Variants in PADI3 observed in about 807,000 individuals in gnomAD.
PADI3 encodes protein-arginine deiminase type-3.
Under a neutral mutation model 71.5 loss-of-function variants are expected in PADI3, and 53 were observed. That is an observed-to-expected ratio of 0.74 (90% CI 0.59 to 0.93). PADI3 has a LOEUF of 0.93. PADI3 is among the 40% of genes least tolerant of loss of function. PADI3 has a pLI of 0.00. For missense variants in PADI3, 821 were observed against 868.0 expected (o/e 0.95, Z 0.68); for synonymous variants, 361 against 347.5 (o/e 1.04, Z -0.43).
At position 17,277,150 on chromosome 1, in the gene PADI3, C is replaced by T. The variant is rs182413648; in HGVS notation, c.1555+274C>T. 2.8e-3 allele frequency among the ~76,000 whole-genome samples: 430 copies of T among 150,964 alleles called. 2 individuals are homozygous for T. The highest frequency in any genetic ancestry group is 9.0e-3 in the African/African-American group (372 of 41,192). ...AGGCAGGTGACCAGTGCAGTCACGG[C>T]GTGGAGCTTTAATGTTCTGCAGTCA... On this transcript the variant is annotated intron_variant, in intron 13 of 15. Coordinates refer to ENST00000375460, the MANE Select transcript of PADI3 (RefSeq NM_016233.2).
chr1:17,270,144 G>A (rs1445957012), intron 6 of PADI3, 89 bp from the exon 7 acceptor site: 6 of 1,455,918 alleles, frequency 4.1e-6, no homozygotes, highest in Non-Finnish European at 5.5e-6. Context: ...GGAATTTTTG[G>A]TGAGGCTGCA....
chr1:17,249,197 G>A lies in PADI3; in HGVS notation c.60G>A (p.Val20=). 1 of 1,614,174 alleles carries A rather than the reference G, an allele frequency of 6.2e-7. No homozygotes were observed. Among genetic ancestry groups the A allele is most frequent in the Non-Finnish European group, 8.5e-7 (1 of 1,180,024 alleles). The change falls in exon 1 of 16, where the codon GTG becomes GTA. Residue 20 remains valine (V), a synonymous_variant. Transcript: ENST00000375460. ...AGCATCCCACCAGCGCGGTGTGTGT[G>A]GCTGGCGTGGAGACCCTCGTGGACA... ...SLEHPTSAVC[V]AGVETLVDIY...
At position 17,249,181 on chromosome 1, in the gene PADI3, C is replaced by T; in HGVS notation, c.44C>T (p.Thr15Ile). 1 of 1,614,178 alleles carries T rather than the reference C, an allele frequency of 6.2e-7. No homozygotes were observed. The highest frequency in any genetic ancestry group is 8.5e-7 in the Non-Finnish European group (1 of 1,180,030). ...GTGCGTGTGTCCCTGGAGCATCCCA[C>T]CAGCGCGGTGTGTGTGGCTGGCGTG... The part of the protein sequence containing the change: ...RIVRVSLEHP[T>I]SAVCVAGVET... Residue 15 changes from threonine (T) to isoleucine (I), a missense_variant, in exon 1 of 16, where the codon ACC becomes ATC. Thr to Ile is a moderately conservative substitution (Grantham distance 89). Coordinates refer to ENST00000375460, the MANE Select transcript of PADI3 (RefSeq NM_016233.2).
rs557402327 is a variant in PADI3, at chr1:17,266,600, C to T, written c.409-119C>T. On this transcript the variant is annotated intron_variant, in intron 4 of 15. Transcript: ENST00000375460. ...GACATGTCTTGAGAAGGAGGTGCTTCGAGAACGTGGACCTAGCCTCACAGG... is the reference window on the plus strand; with the variant it reads ...GACATGTCTTGAGAAGGAGGTGCTTTGAGAACGTGGACCTAGCCTCACAGG... The T allele has an allele frequency of 1.4e-4, 108 of 775,682 alleles. 1 individual carries two copies. The South Asian group carries it at 1.4e-3, about 10-fold the overall frequency. The allele number at this position is 775,682 out of a possible 1,614,324, so 48.0% of individuals were successfully genotyped here.
At chr1:17,274,884 G>T in intron 11 of PADI3, 98 bp downstream of exon 11, 3 of 1,251,374 alleles carry the variant, frequency 2.4e-6, no homozygotes, top group South Asian at 1.5e-5. Context: ...CTTGAAGAGA[G>T]CCAGAAGCAA....
chr1:17,274,359 G>A (rs948608917), intron 10 of PADI3, among the ~76,000 whole-genome samples: 1 of 152,246 alleles, frequency 6.6e-6, no homozygotes, highest in Non-Finnish European at 1.5e-5. Flanking sequence ...CTCCATGTCC[G>A]ATGGGGAGTG....
intron 6 of PADI3, among the ~76,000 whole-genome samples, 183 bp from the exon 7 acceptor site, chr1:17,270,050 T>A (rs185135945): frequency 6.6e-6 from 1 of 152,298 alleles, no homozygotes; most frequent in East Asian, 1.9e-4. Flanking sequence ...GGAAGACCCT[T>A]TCCCCCAGCC....
chr1:17,278,602 G>A (rs1314786893), intron 13 of PADI3, among the ~76,000 whole-genome samples: 1 of 152,036 alleles, frequency 6.6e-6, no homozygotes, highest in Non-Finnish European at 1.5e-5. Context: ...TGGCTGGACT[G>A]GAGTCATCTG....
At position 17,258,957 on chromosome 1, in the gene PADI3, G is replaced by A. The variant is rs2100563399; in HGVS notation, c.93-621G>A. Reference sequence around the variant, plus strand: ...CAGACCTGCACTGGGGATTTATCGAGCACATGGCTGGCTTCTGACTTCCGA... The same window carrying A: ...CAGACCTGCACTGGGGATTTATCGAACACATGGCTGGCTTCTGACTTCCGA... On this transcript the variant is annotated intron_variant, in intron 1 of 15. Transcript: ENST00000375460. Among the ~76,000 whole-genome samples, 6 of 152,360 alleles carry A rather than the reference G, an allele frequency of 3.9e-5. 1 individual carries two copies. The South Asian group carries it at 1.2e-3, about 32-fold the overall frequency.
chr1:17,249,339 C>T (rs1475915596), intron 1 of PADI3, 110 bp downstream of exon 1: 4 of 861,592 alleles, frequency 4.6e-6, no homozygotes, highest in South Asian at 1.4e-5. Flanking sequence ...CAGCCTTGGC[C>T]TCGGAACAGC....
intron 9 of PADI3, among the ~76,000 whole-genome samples, 153 bp from the exon 10 acceptor site, chr1:17,273,187 A>T (rs1479380210): frequency 6.6e-6 from 1 of 152,070 alleles, no homozygotes; most frequent in East Asian, 1.9e-4. Flanking sequence ...GTCAGCAGGC[A>T]CCCTGACCTC....
At chr1:17,254,229 G>A (rs935693639) in intron 1 of PADI3, among the ~76,000 whole-genome samples, 7 of 152,150 alleles carry the variant, frequency 4.6e-5, no homozygotes, top group Admixed American at 1.3e-4. Context: ...TGACTGGGGA[G>A]GGGCAGCTGG....
intron 5 of PADI3, among the ~76,000 whole-genome samples, chr1:17,267,307 G>C (rs111981976): frequency 1.1e-4 from 16 of 152,276 alleles, no homozygotes; most frequent in African/African-American, 3.6e-4. Flanking sequence ...AGCACCTCTG[G>C]CCTACATTTC....
intron 1 of PADI3, among the ~76,000 whole-genome samples, chr1:17,256,570 T>C (rs2073030322): frequency 6.6e-6 from 1 of 152,196 alleles, no homozygotes; most frequent in African/African-American, 2.4e-5. Flanking sequence ...ACACAGAGCC[T>C]GGCACATGGA....
rs144517944 is a variant in PADI3 at position 17,260,080 on chromosome 1, G to T, written c.273+322G>T. Among the ~76,000 whole-genome samples, 402 of 152,266 alleles carry T rather than the reference G, an allele frequency of 2.6e-3. 2 individuals are homozygous for T. Among genetic ancestry groups the T allele is most frequent in the African/African-American group, 9.2e-3 (382 of 41,554 alleles). On this transcript the variant is annotated intron_variant, in intron 2 of 15. Transcript: ENST00000375460. ...CTTCTCTTGCTTCCCAAGACCCCCT[G>T]GAGAAGGAGTTGTCCCAGTTCTGCT...
At chr1:17,262,227 T>C (rs774332253) in intron 3 of PADI3, 22 bp downstream of exon 3, 4 of 1,579,672 alleles carry the variant, frequency 2.5e-6, no homozygotes, top group Non-Finnish European at 3.4e-6. Context: ...GCCATGTTGA[T>C]GGTGTGGCCA....
chr1:17,273,198 G>A (rs1384549879), intron 9 of PADI3, 142 bp from the exon 10 acceptor site: 9 of 604,878 alleles, frequency 1.5e-5, no homozygotes, highest in African/African-American at 7.5e-5. Context: ...CCCTGACCTC[G>A]GTCCTGTCCG....
intron 13 of PADI3, among the ~76,000 whole-genome samples, chr1:17,279,780 T>C (rs1040720074): frequency 3.3e-5 from 5 of 152,180 alleles, no homozygotes; most frequent in Non-Finnish European, 7.4e-5. Flanking sequence ...CCATGAGGAT[T>C]GTGTGCCATT....
chr1:17,279,016 A>G (rs2073368451), intron 13 of PADI3, among the ~76,000 whole-genome samples: 1 of 152,184 alleles, frequency 6.6e-6, no homozygotes, highest in Non-Finnish European at 1.5e-5. Context: ...AGTCTTAGAA[A>G]TCCTTAAATC....
Sources: allele counts gnomAD v4.1 joint callset (sites outside exome capture counted in the v4.1 genomes callset), GRCh38; gene constraint gnomAD v4.1.1; transcripts MANE v1.5; gene names NCBI Gene and HGNC (gene_info 2026-07-23, HGNC 2026-07-21).